The following GDF6 variants were observed in gnomAD, a reference collection of about 807,000 sequenced individuals.
The protein encoded by GDF6 is growth/differentiation factor 6.
GDF6 carries 3 observed loss-of-function variants against 32.4 expected under a neutral mutation model. The ratio of observed to expected loss-of-function variants is 0.09; its 90% CI spans 0.04 to 0.24. The LOEUF is 0.24. Among genes scored for constraint, GDF6 ranks in the 10% least tolerant of loss-of-function variants. The pLI, the probability that GDF6 is intolerant of heterozygous loss-of-function variation, is 1.00. For synonymous variants in GDF6, 296 were observed against 295.3 expected, an observed-to-expected ratio of 1.00 and a Z score of -0.03; for missense variants, 589 against 637.9, an observed-to-expected ratio of 0.92 and a Z score of 0.83.
rs1812479135 is a variant in GDF6 at position 96,145,985 on chromosome 8, A to G, written c.407-461T>C. On this transcript the variant is annotated intron_variant, in intron 1 of 1. Transcript: ENST00000287020. The surrounding 1 kb of genome is among the most constrained non-coding windows in gnomAD (Gnocchi z 5.6). ...TCTAAGGTAGCCTCTCCAGGTCTCT[A>G]TCACAGGACTGGCTTGATTATCTTC... 6.6e-6 allele frequency among the ~76,000 whole-genome samples: 1 copy of G among 152,160 alleles called. No homozygotes were observed. The highest frequency in any genetic ancestry group is 1.5e-5 in the Non-Finnish European group (1 of 68,030).
chr8:96,153,098 G>C (rs1376474112), intron 1 of GDF6, among the ~76,000 whole-genome samples: 2 of 152,246 alleles, frequency 1.3e-5, no homozygotes, highest in Admixed American at 1.3e-4. Flanking sequence ...ACCCCAGGGT[G>C]CCTGTTTCTG....
Position 96,150,603 on chromosome 8 carries a change from A to G in GDF6, c.407-5079T>C, listed in dbSNP as rs547911860. On this transcript the variant is annotated intron_variant, in intron 1 of 1. Coordinates refer to ENST00000287020, the MANE Select transcript of GDF6 (RefSeq NM_001001557.4). ...TAGATGAAGAAACTAAAGCTCTAAGAGGTATCTTGCCCATTGTCTTGAAAC... is the reference window on the plus strand; with the variant it reads ...TAGATGAAGAAACTAAAGCTCTAAGGGGTATCTTGCCCATTGTCTTGAAAC... 3.3e-5 allele frequency among the ~76,000 whole-genome samples: 5 copies of G among 152,366 alleles called. 1 individual carries two copies. The highest frequency in any genetic ancestry group is 2.6e-4 in the Admixed American group (4 of 15,306).
intron 1 of GDF6, among the ~76,000 whole-genome samples, chr8:96,151,706 A>G (rs1812571592): frequency 6.6e-6 from 1 of 152,248 alleles, no homozygotes; most frequent in Non-Finnish European, 1.5e-5. Flanking sequence ...AAATGAGATA[A>G]GGTGTGAGAG....
At chr8:96,155,378 G>C (rs1812644519) in intron 1 of GDF6, among the ~76,000 whole-genome samples, 1 of 152,246 alleles carries the variant, frequency 6.6e-6, no homozygotes, top group Non-Finnish European at 1.5e-5. Flanking sequence ...TACAATAACT[G>C]ATGTTTAACA....
chr8:96,150,214 C>T lies in GDF6; in HGVS notation c.407-4690G>A, dbSNP rs116631977. On this transcript the variant is annotated intron_variant, in intron 1 of 1. Transcript: ENST00000287020. ...GACTTTGGGCTCCACGAGATTCCTCCGCGCGCACCTGGCTCACATCTCTGA... is the reference window on the plus strand; with the variant it reads ...GACTTTGGGCTCCACGAGATTCCTCTGCGCGCACCTGGCTCACATCTCTGA... Among the ~76,000 whole-genome samples, 233 of 152,324 alleles carry T rather than the reference C, an allele frequency of 1.5e-3. 1 individual carries two copies. The highest frequency in any genetic ancestry group is 5.3e-3 in the African/African-American group (220 of 41,562).
Position 96,145,422 on chromosome 8 carries a change from C to A in GDF6, c.509G>T (p.Arg170Leu). 2 of 1,591,154 alleles carry A rather than the reference C, an allele frequency of 1.3e-6. No individual in the cohort carries two copies. Among genetic ancestry groups the A allele is most frequent in the South Asian group, 1.1e-5 (1 of 89,938 alleles). Reference sequence around the variant, plus strand: ...CCCCCAGGGCGCTGAGGGCGCCTGGCGAAAGAGCCGCAGCTCCGCGCCCAC... The same window carrying A: ...CCCCCAGGGCGCTGAGGGCGCCTGGAGAAAGAGCCGCAGCTCCGCGCCCAC... ...ELVGAELRLFRQAPSAPWGPP... is the reference protein window; with the variant it reads ...ELVGAELRLFLQAPSAPWGPP... Residue 170 changes from arginine (R) to leucine (L), a missense_variant, in exon 2 of 2, where the codon CGC becomes CTC. Physicochemically the swap from Arg to Leu is moderately radical, Grantham distance 102. Transcript: ENST00000287020. This position sits in a 1 kb window ranked among gnomAD's most constrained non-coding sequence, Gnocchi z 5.6.
At chr8:96,157,229 T>TTC (rs1168538543) in intron 1 of GDF6, among the ~76,000 whole-genome samples, 1 of 151,904 alleles carries the variant, frequency 6.6e-6, no homozygotes, top group African/African-American at 2.4e-5. Context: ...CTTTTTTTTT[T>TTC]CCCCAATAAG....
chr8:96,156,036 G>T (rs1489106732), intron 1 of GDF6, among the ~76,000 whole-genome samples: 1 of 152,166 alleles, frequency 6.6e-6, no homozygotes, highest in East Asian at 1.9e-4. Flanking sequence ...TGGTAATCAC[G>T]ACCCAGAAGG....
chr8:96,150,158 T>G (rs1262980405), intron 1 of GDF6, among the ~76,000 whole-genome samples: 1 of 152,260 alleles, frequency 6.6e-6, no homozygotes, highest in African/African-American at 2.4e-5. Flanking sequence ...CGGCTCCAAC[T>G]TCCCGGACTT....
intron 1 of GDF6, among the ~76,000 whole-genome samples, chr8:96,148,153 C>T (rs1298074169): frequency 2.0e-5 from 3 of 152,202 alleles, no homozygotes; most frequent in African/African-American, 4.8e-5. Flanking sequence ...ACCCTTTCCA[C>T]GTTTCAGTGC....
Position 96,144,266 on chromosome 8 carries a change from G to C in GDF6, c.*297C>G. 2 of 444,276 alleles carry C rather than the reference G, an allele frequency of 4.5e-6. No individual in the cohort carries two copies. The highest frequency in any genetic ancestry group is 2.2e-5 in the South Asian group (1 of 46,400). The allele number at this position is 444,276 out of a possible 1,614,324, so 27.5% of individuals were successfully genotyped here. A position where few individuals can be genotyped will look rare whatever the true frequency, so the allele number is the denominator to read the frequency against. ...TAATAGAGAGAGAGAGAGAGAGAGA[G>C]AGAGAGAGAGAGAGAGAGAGAGAGA... On this transcript the variant is annotated 3_prime_UTR_variant, in exon 2 of 2. Coordinates refer to ENST00000287020, the MANE Select transcript of GDF6 (RefSeq NM_001001557.4). This position sits in a 1 kb window ranked among gnomAD's most constrained non-coding sequence, Gnocchi z 5.1.
Position 96,156,411 on chromosome 8 carries a change from T to C in GDF6, c.406+3876A>G, listed in dbSNP as rs1318706732. Among the ~76,000 whole-genome samples, 5 of 147,284 alleles carry C rather than the reference T, an allele frequency of 3.4e-5. 1 individual carries two copies. The highest frequency in any genetic ancestry group is 7.5e-5 in the Non-Finnish European group (5 of 66,476). Reference sequence around the variant, plus strand: ...CTCTCTCTCTCTCTCTCTCTTTCCCTCTCTCTCTCTCTCTCTGTCTCTCTC... The same window carrying C: ...CTCTCTCTCTCTCTCTCTCTTTCCCCCTCTCTCTCTCTCTCTGTCTCTCTC... On this transcript the variant is annotated intron_variant, in intron 1 of 1. Transcript: ENST00000287020.
chr8:96,157,783 C>A (rs1401392707), intron 1 of GDF6, among the ~76,000 whole-genome samples: 1 of 152,156 alleles, frequency 6.6e-6, no homozygotes, highest in Non-Finnish European at 1.5e-5. Flanking sequence ...ATGACATGAA[C>A]CCTCAATTAG....
At chr8:96,154,245 C>A (rs1189406926) in intron 1 of GDF6, among the ~76,000 whole-genome samples, 2 of 152,116 alleles carry the variant, frequency 1.3e-5, no homozygotes, top group African/African-American at 4.8e-5. Flanking sequence ...CCATGCCCCG[C>A]CCCCAGGCGC....
At chr8:96,152,416 G>A (rs1476149725) in intron 1 of GDF6, among the ~76,000 whole-genome samples, 1 of 152,212 alleles carries the variant, frequency 6.6e-6, no homozygotes, top group Admixed American at 6.5e-5. Context: ...TGGCAGTGCA[G>A]CCCTGAGAGG....
At chr8:96,154,698 G>A (rs1263522512) in intron 1 of GDF6, among the ~76,000 whole-genome samples, 6 of 152,076 alleles carry the variant, frequency 3.9e-5, no homozygotes, top group African/African-American at 1.4e-4. Context: ...AAGCCCCCAG[G>A]GATTACTGTT....
At chr8:96,150,586 G>C (rs1240431797) in intron 1 of GDF6, among the ~76,000 whole-genome samples, 1 of 152,254 alleles carries the variant, frequency 6.6e-6, no homozygotes, top group Admixed American at 6.5e-5. Context: ...TATAGATGAA[G>C]AAACTAAAGC....
rs1277401260 is a variant in GDF6 at position 96,144,977 on chromosome 8, G to T, written c.954C>A (p.Gly318=). The stretch of plus-strand genomic sequence containing the variant: ...GCAGCCAAGGCCTGGCATCCGGGGC[G>T]CCCGACGGCGGCGGCCACGACCCCT... ...GAEGSWPPPS[G]APDARPWLPS... Residue 318 remains glycine (G), a synonymous_variant, in exon 2 of 2, where the codon GGC becomes GGA. Coordinates refer to ENST00000287020, the MANE Select transcript of GDF6 (RefSeq NM_001001557.4). This position sits in a 1 kb window ranked among gnomAD's most constrained non-coding sequence, Gnocchi z 5.1. 2 of 1,362,926 alleles carry T rather than the reference G, an allele frequency of 1.5e-6. No individual in the cohort carries two copies. Among genetic ancestry groups the T allele is most frequent in the Non-Finnish European group, 9.4e-7 (1 of 1,066,054 alleles). 84.4% of individuals were successfully genotyped at this position (1,362,926 alleles called of 1,614,324 possible). A position where few individuals can be genotyped will look rare whatever the true frequency, so the allele number is the denominator to read the frequency against.
intron 1 of GDF6, among the ~76,000 whole-genome samples, chr8:96,157,596 CG>C (rs970288160): frequency 1.3e-5 from 2 of 152,134 alleles, no homozygotes; most frequent in Admixed American, 1.3e-4. Context: ...CAGCTCTAGG[CG>C]GGCCGCTGCT....
Sources: gnomAD v4.1 joint callset for allele counts (sites outside exome capture counted in the v4.1 genomes callset) on GRCh38, gnomAD v4.1.1 for gene constraint, Gnocchi (gnomAD v3.1) non-coding constraint, MANE v1.5 for transcripts, NCBI Gene and HGNC (gene_info 2026-07-23, HGNC 2026-07-21) for gene names.